The following PRKN variants were observed in gnomAD, a reference collection of about 807,000 sequenced individuals.
PRKN encodes parkin RBR E3 ubiquitin protein ligase, also known as E3 ubiquitin-protein ligase parkin.
Under a neutral mutation model 59.5 loss-of-function variants are expected in PRKN, and 56 were observed. That is an observed-to-expected ratio of 0.94 (90% CI 0.76 to 1.18). The LOEUF is 1.18. PRKN is among the 50% of genes most tolerant of loss of function. The pLI is 0.00. For synonymous variants in PRKN, 250 were observed against 222.1 expected, an observed-to-expected ratio of 1.13 and a Z score of -1.12; for missense variants, 657 against 596.4, an observed-to-expected ratio of 1.10 and a Z score of -1.06.
chr6:161,436,393 A>C (rs1174163193), intron 9 of PRKN, among the ~76,000 whole-genome samples: 1 of 136,268 alleles, frequency 7.3e-6, no homozygotes, highest in Non-Finnish European at 1.5e-5. Context: ...ATGGAAGAGG[A>C]GGCATGGCAT....
intron 5 of PRKN, among the ~76,000 whole-genome samples, chr6:161,989,517 G>A (rs1781562633): frequency 6.6e-6 from 1 of 152,264 alleles, no homozygotes; most frequent in East Asian, 1.9e-4. Flanking sequence ...ACCATCTGGG[G>A]CTTGAGGATA....
chr6:162,010,302 A>T (rs1459718275), intron 5 of PRKN, among the ~76,000 whole-genome samples: 1 of 123,980 alleles, frequency 8.1e-6, no homozygotes, highest in Non-Finnish European at 1.6e-5. Flanking sequence ...TTATATATTT[A>T]TTATATATAT....
intron 2 of PRKN, among the ~76,000 whole-genome samples, chr6:162,297,949 A>C (rs991368654): frequency 6.6e-6 from 1 of 152,168 alleles, no homozygotes; most frequent in Non-Finnish European, 1.5e-5. Context: ...AATATGTGAA[A>C]TCAGGATTAT....
chr6:162,457,586 T>C (rs1025694830), intron 1 of PRKN, among the ~76,000 whole-genome samples: 2 of 150,664 alleles, frequency 1.3e-5, no homozygotes, highest in African/African-American at 5.0e-5. Flanking sequence ...AAAATCACAA[T>C]GAGGCTGATT....
chr6:162,349,837 G>C (rs922999428), intron 2 of PRKN, among the ~76,000 whole-genome samples: 1 of 152,106 alleles, frequency 6.6e-6, no homozygotes. Flanking sequence ...TTGTACTGGA[G>C]GTTTTAGTCA....
At chr6:161,469,388 C>T (rs572137965) in intron 9 of PRKN, among the ~76,000 whole-genome samples, 8 of 152,294 alleles carry the variant, frequency 5.3e-5, no homozygotes, top group Admixed American at 4.6e-4. Flanking sequence ...TCAATTAAAC[C>T]TCTTTTCTTT....
chr6:161,621,017 G>A (rs1274131150), intron 7 of PRKN, among the ~76,000 whole-genome samples: 2 of 152,134 alleles, frequency 1.3e-5, no homozygotes, highest in South Asian at 2.1e-4. Flanking sequence ...CTTTATGTTC[G>A]GTGCTTCAAG....
intron 5 of PRKN, among the ~76,000 whole-genome samples, chr6:161,974,923 T>C (rs960994452): frequency 1.3e-5 from 2 of 152,122 alleles, no homozygotes; most frequent in Non-Finnish European, 2.9e-5. Context: ...ATAAGCAGTA[T>C]GCAAATGAAT....
At chr6:161,368,106 C>G (rs1335874138) in intron 10 of PRKN, among the ~76,000 whole-genome samples, 2 of 151,426 alleles carry the variant, frequency 1.3e-5, no homozygotes, top group Non-Finnish European at 2.9e-5. Context: ...CTGGAAGTCC[C>G]CGGGGACTTT....
At chr6:161,804,604 G>A (rs1791231053) in intron 6 of PRKN, among the ~76,000 whole-genome samples, 1 of 152,308 alleles carries the variant, frequency 6.6e-6, no homozygotes, top group South Asian at 2.1e-4. Context: ...AAGAGATTTG[G>A]AGACAAGGTT....
In PRKN at chr6:161,582,290, C is replaced by T. The variant is rs1483710888; in HGVS notation, c.872-12874G>A. Among the ~76,000 whole-genome samples, 1 of 152,112 alleles carries T rather than the reference C, an allele frequency of 6.6e-6. No individual in the cohort carries two copies. Among genetic ancestry groups the T allele is most frequent in the Non-Finnish European group, 1.5e-5 (1 of 68,032 alleles). On this transcript the variant is annotated intron_variant, in intron 7 of 11. Coordinates refer to ENST00000366898, the MANE Select transcript of PRKN (RefSeq NM_004562.3). This position sits in a 1 kb window ranked among gnomAD's most constrained non-coding sequence, Gnocchi z 4.4. The stretch of plus-strand genomic sequence containing the variant: ...ATGAGAACACCAACTCTTGTTAAAA[C>T]ATTGAGATTACCTTGAAACAATTTA...
intron 9 of PRKN, among the ~76,000 whole-genome samples, chr6:161,438,416 C>T (rs1583067993): frequency 6.6e-6 from 1 of 151,872 alleles, no homozygotes; most frequent in East Asian, 1.9e-4. Context: ...TGGGGTTTCA[C>T]CATGTTGGCC....
chr6:161,979,370 T>A (rs1781175137), intron 5 of PRKN, among the ~76,000 whole-genome samples: 1 of 152,176 alleles, frequency 6.6e-6, no homozygotes, highest in Admixed American at 6.5e-5. Flanking sequence ...CCTCCCAGTT[T>A]CAAGCAAATC....
intron 6 of PRKN, among the ~76,000 whole-genome samples, chr6:161,858,070 G>C (rs575523215): frequency 2.6e-5 from 4 of 152,258 alleles, no homozygotes; most frequent in African/African-American, 7.2e-5. Context: ...TCACACCTAA[G>C]TTTCCCAAAA....
chr6:162,207,981 C>T (rs1053329247), intron 3 of PRKN, among the ~76,000 whole-genome samples: 2 of 152,056 alleles, frequency 1.3e-5, no homozygotes, highest in Non-Finnish European at 2.9e-5. Flanking sequence ...CAACCAGACA[C>T]CCTTTAAATT....
At chr6:162,636,549 T>A (rs1777719701) in intron 1 of PRKN, among the ~76,000 whole-genome samples, 1 of 152,234 alleles carries the variant, frequency 6.6e-6, no homozygotes, top group Non-Finnish European at 1.5e-5. Flanking sequence ...CAAATCTATG[T>A]TCCTGCTCAA....
At chr6:162,566,139 C>G (rs988290712) in intron 1 of PRKN, among the ~76,000 whole-genome samples, 1 of 152,006 alleles carries the variant, frequency 6.6e-6, no homozygotes, top group Non-Finnish European at 1.5e-5. Flanking sequence ...ACAATAATAA[C>G]TAGAGACTTC....
intron 4 of PRKN, among the ~76,000 whole-genome samples, chr6:162,114,989 T>C (rs890822315): frequency 6.6e-6 from 1 of 151,526 alleles, no homozygotes; most frequent in African/African-American, 2.4e-5. Context: ...GGCATCCCAT[T>C]ACTGGGTATA....
At chr6:162,149,307 C>T (rs1782161515) in intron 4 of PRKN, among the ~76,000 whole-genome samples, 1 of 152,092 alleles carries the variant, frequency 6.6e-6, no homozygotes, top group Non-Finnish European at 1.5e-5. Context: ...TGCAGTGGCA[C>T]AATCTCTGCT....
Sources: allele counts gnomAD v4.1 joint callset (sites outside exome capture counted in the v4.1 genomes callset), GRCh38; gene constraint gnomAD v4.1.1; non-coding constraint Gnocchi (gnomAD v3.1); transcripts MANE v1.5; gene names NCBI Gene and HGNC (gene_info 2026-07-23, HGNC 2026-07-21).